The following FBN2 variants were observed in gnomAD, a reference collection of about 807,000 sequenced individuals.
FBN2 encodes fibrillin-2.
In FBN2, 105 loss-of-function variants were observed where a neutral mutation model predicts 355.6. The observed-to-expected ratio is 0.30, with a 90% confidence interval of 0.25 to 0.35. FBN2 has a LOEUF of 0.35. Among genes scored for constraint, FBN2 ranks in the 10% least tolerant of loss-of-function variants. The pLI is 1.00. For synonymous variants in FBN2, 1,350 were observed against 1,301.2 expected, an observed-to-expected ratio of 1.04 and a Z score of -0.81; for missense variants, 3,280 against 3,758.7, an observed-to-expected ratio of 0.87 and a Z score of 3.33.
intron 48 of FBN2, among the ~76,000 whole-genome samples, chr5:128,297,117 G>C (rs1025287872): frequency 1.3e-5 from 2 of 152,106 alleles, no homozygotes; most frequent in Non-Finnish European, 2.9e-5. Context: ...TTCAGGAGCA[G>C]GTTGTTCAGT....
chr5:128,509,506 T>C (rs956235523), intron 5 of FBN2, among the ~76,000 whole-genome samples: 1 of 152,160 alleles, frequency 6.6e-6, no homozygotes, highest in South Asian at 2.1e-4. Flanking sequence ...TTATAATAAC[T>C]ACTTTCATCT....
At chr5:128,339,172 A>G in intron 25 of FBN2, 111 bp from the exon 26 acceptor site, 2 of 1,112,512 alleles carry the variant, frequency 1.8e-6, no homozygotes, top group Non-Finnish European at 2.7e-6. Flanking sequence ...CTAACAGTAC[A>G]AGGGTATGTT....
intron 5 of FBN2, among the ~76,000 whole-genome samples, chr5:128,511,639 C>T (rs1756133155): frequency 6.6e-6 from 1 of 152,128 alleles, no homozygotes. Flanking sequence ...AGCAAATACA[C>T]AGTCACAACA....
rs1750620648 is a variant in FBN2, at chr5:128,328,785, T to C, written c.4382A>G (p.Glu1461Gly). 4 of 1,614,166 alleles carry C rather than the reference T, an allele frequency of 2.5e-6. No homozygotes were observed. The highest frequency in any genetic ancestry group is 1.7e-6 in the Non-Finnish European group (2 of 1,180,004). Reference protein sequence around the residue: ...DECAENINLCENGQCLNVPGA... With the variant: ...DECAENINLCGNGQCLNVPGA... Reference sequence around the variant, plus strand: ...CGGGACATTAAGGCACTGTCCGTTCTCACAGAGGTTTATGTTTTCTGCACA... The same window carrying C: ...CGGGACATTAAGGCACTGTCCGTTCCCACAGAGGTTTATGTTTTCTGCACA... The change falls in exon 34 of 65, where the codon GAG (glutamate) becomes GGG (glycine). Residue 1461 changes from glutamate (E) to glycine (G), a missense_variant. Physicochemically the swap from Glu to Gly is moderately conservative, Grantham distance 98. Around this residue, in one of 6 missense-constraint regions of FBN2, gnomAD observed 2,284 missense variants for 2,749.5 expected, o/e 0.83. Coordinates refer to ENST00000262464, the MANE Select transcript of FBN2 (RefSeq NM_001999.4).
At chr5:128,299,114 T>C (rs1749629438) in intron 48 of FBN2, among the ~76,000 whole-genome samples, 1 of 152,182 alleles carries the variant, frequency 6.6e-6, no homozygotes, top group Admixed American at 6.5e-5. Flanking sequence ...AGTCTGCCCC[T>C]GCTGGGGGGT....
intron 36 of FBN2, among the ~76,000 whole-genome samples, chr5:128,313,339 G>A (rs760261159): frequency 1.3e-5 from 2 of 152,064 alleles, no homozygotes; most frequent in Non-Finnish European, 2.9e-5. Flanking sequence ...TCAAATTTAT[G>A]GTTCTGTATC....
chr5:128,531,722 G>GTA lies in FBN2; in HGVS notation c.338-1031_338-1030dup, dbSNP rs778150660. Among the ~76,000 whole-genome samples, 794 of 116,646 alleles carry GTA rather than the reference G, an allele frequency of 6.8e-3. 6 individuals are homozygous for GTA. Among genetic ancestry groups the GTA allele is most frequent in the East Asian group, 0.015 (70 of 4,542 alleles). The allele number at this position is 116,646 out of a possible 152,430, so 76.5% of individuals were successfully genotyped here. A position where few individuals can be genotyped will look rare whatever the true frequency, so the allele number is the denominator to read the frequency against. The stretch of plus-strand genomic sequence containing the variant: ...TATAAGTGTATATATATGTATGTGT[G>GTA]TATATATATATATATATATACACAC... On this transcript the variant is annotated intron_variant, in intron 2 of 64. Coordinates refer to ENST00000262464, the MANE Select transcript of FBN2 (RefSeq NM_001999.4).
chr5:128,496,898 G>T (rs1755671208), intron 5 of FBN2, among the ~76,000 whole-genome samples: 1 of 151,714 alleles, frequency 6.6e-6, no homozygotes, highest in African/African-American at 2.4e-5. Context: ...CTGCATTACT[G>T]TACACTGGAA....
At position 128,428,370 on chromosome 5, in the gene FBN2, T is replaced by G. The variant is rs1581284944; in HGVS notation, c.952+18111A>C. 2.0e-5 allele frequency among the ~76,000 whole-genome samples: 3 copies of G among 152,260 alleles called. No individual in the cohort carries two copies. The South Asian group carries it at 6.2e-4, about 32-fold the overall frequency. ...CGTGGCTGGCAAGGCCCCTCCCCATTTGGCCCTGGACTACATCTCTAAACC... is the reference window on the plus strand; with the variant it reads ...CGTGGCTGGCAAGGCCCCTCCCCATGTGGCCCTGGACTACATCTCTAAACC... On this transcript the variant is annotated intron_variant, in intron 7 of 64. Coordinates refer to ENST00000262464, the MANE Select transcript of FBN2 (RefSeq NM_001999.4).
At chr5:128,356,241 A>C (rs376876256) in intron 20 of FBN2, among the ~76,000 whole-genome samples, 4 of 152,062 alleles carry the variant, frequency 2.6e-5, no homozygotes, top group African/African-American at 9.6e-5. Flanking sequence ...AGATTTCACC[A>C]GCTGTACCTC....
chr5:128,274,578 G>C lies in FBN2; in HGVS notation c.7700C>G (p.Thr2567Ser). 1.3e-6 allele frequency: 2 copies of C among 1,593,740 alleles called. No homozygotes were observed. The highest frequency in any genetic ancestry group is 1.7e-6 in the Non-Finnish European group (2 of 1,161,438). ...KCPPGFTQHH[T>S]ACIDNNECGS... ...TAACTTTGTCTTACCGATACAAGCAGTGTGATGCTGTGTGAAACCAGGTGG... is the reference window on the plus strand; with the variant it reads ...TAACTTTGTCTTACCGATACAAGCACTGTGATGCTGTGTGAAACCAGGTGG... The change falls in exon 60 of 65, where the codon ACT (threonine) becomes AGT (serine). Residue 2567 changes from threonine (T) to serine (S), a missense_variant. Thr to Ser is a moderately conservative substitution (Grantham distance 58). This residue lies in a region of FBN2 where 2,284 missense variants were observed against 2,749.5 expected (regional missense o/e 0.83). Transcript: ENST00000262464.
rs115332630 is a variant in FBN2, at chr5:128,397,970, C to T, written c.1079-2696G>A. On this transcript the variant is annotated intron_variant, in intron 8 of 64. Transcript: ENST00000262464. ...TAGTATATGGATAAGGTAATGGAGG[C>T]AACTAAGAAACTTGCCTGTCTCTAC... is the stretch of plus-strand genomic sequence containing the variant. 6.4e-3 allele frequency among the ~76,000 whole-genome samples: 974 copies of T among 152,040 alleles called. 15 individuals are homozygous for T. Among genetic ancestry groups the T allele is most frequent in the South Asian group, 6.6e-3 (32 of 4,816 alleles).
chr5:128,481,005 C>A (rs1036340332), intron 5 of FBN2, among the ~76,000 whole-genome samples: 7 of 152,120 alleles, frequency 4.6e-5, no homozygotes, highest in Admixed American at 1.3e-4. Flanking sequence ...AGGATCCTTC[C>A]AAGAAGTAAT....
chr5:128,440,658 T>G (rs1406847610), intron 7 of FBN2, among the ~76,000 whole-genome samples: 1 of 152,220 alleles, frequency 6.6e-6, no homozygotes, highest in Non-Finnish European at 1.5e-5. Flanking sequence ...AACTACCTTC[T>G]GTGAACAAAG....
intron 32 of FBN2, among the ~76,000 whole-genome samples, chr5:128,332,676 T>C (rs1750725198): frequency 6.6e-6 from 1 of 152,224 alleles, no homozygotes; most frequent in African/African-American, 2.4e-5. Flanking sequence ...ACCAGCTGCA[T>C]ATCAATTTTT....
intron 7 of FBN2, among the ~76,000 whole-genome samples, chr5:128,439,615 G>A (rs1361618207): frequency 6.6e-6 from 1 of 151,784 alleles, no homozygotes; most frequent in Non-Finnish European, 1.5e-5. Context: ...GAATCTCTTT[G>A]TACTAGAAAA....
At chr5:128,274,033 G>A in intron 60 of FBN2, 65 bp from the exon 61 acceptor site, 2 of 1,584,422 alleles carry the variant, frequency 1.3e-6, no homozygotes, top group East Asian at 2.2e-5. Context: ...CGTTTCATGG[G>A]AAGTAAAAAG....
chr5:128,366,915 G>A (rs1751786489), intron 16 of FBN2, among the ~76,000 whole-genome samples: 1 of 152,150 alleles, frequency 6.6e-6, no homozygotes, highest in South Asian at 2.1e-4. Context: ...AAACAGAGAA[G>A]TGCAGTAACT....
intron 39 of FBN2, among the ~76,000 whole-genome samples, chr5:128,310,364 A>G (rs1022088028): frequency 2.6e-4 from 10 of 38,832 alleles, no homozygotes; most frequent in Admixed American, 4.0e-4. Flanking sequence ...TTTCCTTGGC[A>G]CATATATATA....
Sources: allele counts gnomAD v4.1 joint callset (sites outside exome capture counted in the v4.1 genomes callset), GRCh38; gene constraint gnomAD v4.1.1; regional missense constraint gnomAD v4.1.1; transcripts MANE v1.5; gene names NCBI Gene and HGNC (gene_info 2026-07-23, HGNC 2026-07-21).